Variants in SUCLA2 observed in about 807,000 individuals in gnomAD.
SUCLA2 encodes succinate-CoA ligase ADP-forming subunit beta.
In SUCLA2, 30 loss-of-function variants were observed where a neutral mutation model predicts 54.8. The observed-to-expected ratio is 0.55, with a 90% confidence interval of 0.41 to 0.74. SUCLA2 has a LOEUF of 0.74. SUCLA2 is among the 30% of genes least tolerant of loss of function. The pLI is 0.00. For synonymous variants in SUCLA2, 172 were observed against 188.9 expected, an observed-to-expected ratio of 0.91 and a Z score of 0.74; for missense variants, 476 against 562.9, an observed-to-expected ratio of 0.85 and a Z score of 1.56.
At chr13:47,994,689 T>A (rs1950177342) in intron 2 of SUCLA2, 2 of 254,540 alleles carry the variant, frequency 7.9e-6, no homozygotes, top group Non-Finnish European at 1.2e-5. Flanking sequence ...TGTTAATTAT[T>A]AGTCTCCCTC....
rs886485805 is a variant in SUCLA2 at position 47,942,874 on chromosome 13, T to C, written c.*497A>G. The C allele has an allele frequency of 6.4e-6, 1 of 155,956 alleles. No homozygotes were observed. The highest frequency in any genetic ancestry group is 1.4e-5 in the Non-Finnish European group (1 of 70,174). 9.7% of individuals were successfully genotyped at this position (155,956 alleles called of 1,614,324 possible). Reference sequence around the variant, plus strand: ...ATACTTAGAAGAATATTCTGAGGAGTGTTTGAAAGCTCTGTTTATAAATAG... The same window carrying C: ...ATACTTAGAAGAATATTCTGAGGAGCGTTTGAAAGCTCTGTTTATAAATAG... On this transcript the variant is annotated 3_prime_UTR_variant, in exon 11 of 11. Transcript: ENST00000646932.
intron 1 of SUCLA2, chr13:48,000,950 C>G (rs1292087080): frequency 7.1e-7 from 1 of 1,403,696 alleles, no homozygotes. Flanking sequence ...CAGCCACGGC[C>G]GGGCCGCCGG....
In SUCLA2 at chr13:47,949,545, T is replaced by C. The variant is rs913750233; in HGVS notation, c.1166A>G (p.Gln389Arg). 6.2e-7 allele frequency: 1 copy of C among 1,613,578 alleles called. No homozygotes were observed. The highest frequency in any genetic ancestry group is 1.3e-5 in the African/African-American group (1 of 75,018). ...GGIMRCDVIA[Q>R]GIVMAVKDLE... ...GTCTTTTACTGCCATGACTATACCC[T>C]GTGCAATAACATCACAGCGCATGAT... Residue 389 changes from glutamine to arginine, a missense_variant, in exon 9 of 11, where the codon CAG becomes CGG. Transcript: ENST00000646932.
At chr13:47,966,718 T>TA (rs35050490) in intron 6 of SUCLA2, among the ~76,000 whole-genome samples, 101,287 of 145,684 alleles carry the variant, frequency 0.7, 36,479 homozygotes, top group Non-Finnish European at 0.81. Flanking sequence ...TTTCTTTAAA[T>TA]AAAAAAAAAA....
rs376672628 is a variant in SUCLA2, at chr13:47,943,358, C to T, written c.*13G>A. The T allele has an allele frequency of 4.3e-6, 7 of 1,612,954 alleles. No individual in the cohort carries two copies. The highest frequency in any genetic ancestry group is 5.9e-6 in the Non-Finnish European group (7 of 1,179,154). On this transcript the variant is annotated 3_prime_UTR_variant, in exon 11 of 11. Transcript: ENST00000646932. The stretch of plus-strand genomic sequence containing the variant: ...CACATTTAACACCTTCAGCCATCCA[C>T]TGGGTTTTCAGATCATATTGGCAAC...
At chr13:47,970,277 A>G (rs1949952100) in intron 5 of SUCLA2, among the ~76,000 whole-genome samples, 1 of 152,176 alleles carries the variant, frequency 6.6e-6, no homozygotes, top group Non-Finnish European at 1.5e-5. Context: ...TGAAAACTAC[A>G]AAGTAATTCT....
chr13:47,951,386 T>C (rs1203307354), intron 8 of SUCLA2, among the ~76,000 whole-genome samples: 1 of 134,100 alleles, frequency 7.5e-6, no homozygotes, highest in Non-Finnish European at 1.5e-5. Context: ...TAGCTCTCAA[T>C]GGAACTGACT....
chr13:47,988,385 T>A, intron 4 of SUCLA2, 156 bp downstream of exon 4: 3 of 784,642 alleles, frequency 3.8e-6, no homozygotes, highest in Non-Finnish European at 5.8e-6. Context: ...TTAAAGAAGC[T>A]GTTTTTTAAA....
At chr13:47,990,774 AC>A (rs1424516339) in intron 2 of SUCLA2, among the ~76,000 whole-genome samples, 1 of 152,220 alleles carries the variant, frequency 6.6e-6, no homozygotes, top group Non-Finnish European at 1.5e-5. Context: ...GGAAGCTCCC[AC>A]CTAATCAGAT....
chr13:47,989,016 T>G (rs190095709), intron 2 of SUCLA2, 35 bp from the exon 3 acceptor site: 3 of 1,573,420 alleles, frequency 1.9e-6, no homozygotes. Flanking sequence ...ATATGAAGCA[T>G]GGAGCAGCAT....
intron 5 of SUCLA2, among the ~76,000 whole-genome samples, chr13:47,970,558 G>A (rs550523911): frequency 1.3e-5 from 2 of 152,156 alleles, no homozygotes; most frequent in African/African-American, 4.8e-5. Context: ...AAAACTTTGT[G>A]CCGGTCAAAA....
intron 4 of SUCLA2, among the ~76,000 whole-genome samples, chr13:47,986,029 GT>G (rs36000556): frequency 0.012 from 1,424 of 122,170 alleles, 21 homozygotes; most frequent in African/African-American, 0.041. Context: ...CATATGTATA[GT>G]TTTTTTTTTT....
intron 4 of SUCLA2, among the ~76,000 whole-genome samples, chr13:47,979,745 G>A (rs1342123476): frequency 2.6e-5 from 4 of 152,104 alleles, no homozygotes; most frequent in African/African-American, 7.2e-5. Flanking sequence ...CACTCTTGCC[G>A]CTTCTGTTCA....
intron 5 of SUCLA2, chr13:47,971,384 A>C (rs952264750): frequency 6.6e-6 from 1 of 152,222 alleles, no homozygotes; most frequent in Non-Finnish European, 1.5e-5. Context: ...GCCACTGCAC[A>C]CTCCACCCTG....
At chr13:47,954,328 ATAAAT>A (rs1949801396) in intron 7 of SUCLA2, 46 bp from the exon 8 acceptor site, 2 of 1,613,816 alleles carry the variant, frequency 1.2e-6, no homozygotes, top group Non-Finnish European at 1.7e-6. Flanking sequence ...CACAGAGAAA[ATAAAT>A]TAAACTTAGT....
intron 4 of SUCLA2, among the ~76,000 whole-genome samples, chr13:47,980,275 C>T (rs368117821): frequency 6.6e-6 from 1 of 151,996 alleles, no homozygotes; most frequent in Non-Finnish European, 1.5e-5. Flanking sequence ...ATTAGCTGGG[C>T]GTGGTGGCGG....
chr13:47,957,365 G>A (rs564118487), intron 6 of SUCLA2, among the ~76,000 whole-genome samples: 5 of 152,260 alleles, frequency 3.3e-5, no homozygotes, highest in Admixed American at 6.5e-5. Context: ...TAGTGATTCC[G>A]TAACAGATTT....
At chr13:47,991,754 C>G (rs1179823365) in intron 2 of SUCLA2, 4 of 152,242 alleles carry the variant, frequency 2.6e-5, no homozygotes, top group Non-Finnish European at 2.9e-5. Flanking sequence ...ACTGCTCTTA[C>G]GAAAACTCCC....
chr13:47,954,279 T>C lies in SUCLA2; in HGVS notation c.968A>G (p.Asn323Ser). 6.2e-7 allele frequency: 1 copy of C among 1,613,818 alleles called. No individual in the cohort carries two copies. The highest frequency in any genetic ancestry group is 8.5e-7 in the Non-Finnish European group (1 of 1,179,828). ...TGTGGCCATAGCCAAACCAGCACCA[T>C]TTACTATATAGGGGAAAATGATTTG... is the stretch of plus-strand genomic sequence containing the variant. Reference protein sequence around the residue: ...GLDGNIGCLVNGAGLAMATMD... With the variant: ...GLDGNIGCLVSGAGLAMATMD... The change falls in exon 8 of 11, where the codon AAT (asparagine) becomes AGT (serine). Residue 323 changes from asparagine (N) to serine (S), a missense_variant. Coordinates refer to ENST00000646932, the MANE Select transcript of SUCLA2 (RefSeq NM_003850.3).
Sources: gnomAD v4.1 joint callset for allele counts (sites outside exome capture counted in the v4.1 genomes callset) on GRCh38, gnomAD v4.1.1 for gene constraint, MANE v1.5 for transcripts, NCBI Gene and HGNC (gene_info 2026-07-23, HGNC 2026-07-21) for gene names.